LRCH1: variants seen among roughly 807,000 people sequenced by gnomAD.
The protein encoded by LRCH1 is leucine rich repeats and calponin homology domain containing 1, also known as leucine-rich repeat and calponin homology domain-containing protein 1.
LRCH1 carries 23 observed loss-of-function variants against 94.9 expected under a neutral mutation model. That is an observed-to-expected ratio of 0.24 (90% CI 0.17 to 0.34). LRCH1 has a LOEUF of 0.34. Among genes scored for constraint, LRCH1 ranks in the 10% least tolerant of loss-of-function variants. LRCH1 has a pLI of 1.00. For synonymous variants in LRCH1, 364 were observed against 354.9 expected (o/e 1.03, Z -0.29); for missense variants, 790 against 945.9 (o/e 0.84, Z 2.16).
chr13:46,663,755 C>T (rs9534457), intron 2 of LRCH1, among the ~76,000 whole-genome samples: 14,950 of 152,236 alleles, frequency 0.098, 832 homozygotes, highest in East Asian at 0.23. Context: ...TGACTGGATC[C>T]TTGCTAGCTC....
At chr13:46,651,848 C>T (rs1173406231) in intron 2 of LRCH1, among the ~76,000 whole-genome samples, 1 of 148,792 alleles carries the variant, frequency 6.7e-6, no homozygotes, top group African/African-American at 2.5e-5. Flanking sequence ...CTACAGGCGC[C>T]GGCCACCAGG....
At chr13:46,675,273 G>T (rs1466009024) in intron 3 of LRCH1, among the ~76,000 whole-genome samples, 1 of 152,176 alleles carries the variant, frequency 6.6e-6, no homozygotes, top group Non-Finnish European at 1.5e-5. Flanking sequence ...AAAATTGAGA[G>T]CCTTTTATGG....
intron 16 of LRCH1, among the ~76,000 whole-genome samples, chr13:46,720,916 C>G (rs992273185): frequency 2.6e-5 from 4 of 152,072 alleles, no homozygotes; most frequent in Admixed American, 2.6e-4. Context: ...GTGATATAGT[C>G]ATTATTTCTG....
chr13:46,746,757 G>A (rs908702583), downstream of LRCH1, among the ~76,000 whole-genome samples: 1 of 152,150 alleles, frequency 6.6e-6, no homozygotes, highest in Non-Finnish European at 1.5e-5. Flanking sequence ...TCATCCAGCT[G>A]TAAACCTACC....
At chr13:46,618,981 A>C (rs2138019026) in intron 1 of LRCH1, among the ~76,000 whole-genome samples, 1 of 152,324 alleles carries the variant, frequency 6.6e-6, no homozygotes, top group Non-Finnish European at 1.5e-5. Context: ...CAGTTTACAA[A>C]TATTTTTAGA....
intron 1 of LRCH1, among the ~76,000 whole-genome samples, chr13:46,603,064 T>G (rs769871492): frequency 3.3e-5 from 5 of 152,198 alleles, no homozygotes; most frequent in Non-Finnish European, 5.9e-5. Flanking sequence ...TATAATAAGA[T>G]ATCTGTATCC....
intron 11 of LRCH1, among the ~76,000 whole-genome samples, chr13:46,703,744 T>C (rs1871607787): frequency 2.0e-5 from 3 of 152,158 alleles, no homozygotes; most frequent in African/African-American, 7.2e-5. Context: ...TTTATACTTT[T>C]AAAAAAGTAT....
intron 1 of LRCH1, among the ~76,000 whole-genome samples, chr13:46,618,254 A>G (rs1566179715): frequency 2.0e-5 from 3 of 152,130 alleles, no homozygotes; most frequent in Non-Finnish European, 4.4e-5. Flanking sequence ...AGCACCCATT[A>G]CCTGACAAAA....
intron 1 of LRCH1, among the ~76,000 whole-genome samples, chr13:46,641,014 G>A (rs530030713): frequency 1.3e-5 from 2 of 152,256 alleles, no homozygotes; most frequent in South Asian, 4.2e-4. Context: ...GGGTTGTTTG[G>A]TCTGCAGAGT....
chr13:46,589,737 A>T (rs756297022), intron 1 of LRCH1, among the ~76,000 whole-genome samples: 10 of 151,038 alleles, frequency 6.6e-5, no homozygotes, highest in Non-Finnish European at 1.3e-4. Flanking sequence ...AGTAGGTGGG[A>T]TTACTTGTGC....
chr13:46,700,711 A>G (rs752332985), intron 10 of LRCH1, among the ~76,000 whole-genome samples: 1 of 152,198 alleles, frequency 6.6e-6, no homozygotes, highest in African/African-American at 2.4e-5. Flanking sequence ...CCCTATATGC[A>G]TGAAAGTAAT....
intron 3 of LRCH1, among the ~76,000 whole-genome samples, chr13:46,679,200 G>A (rs1344528522): frequency 1.3e-5 from 2 of 152,284 alleles, no homozygotes; most frequent in East Asian, 1.9e-4. Flanking sequence ...CATCACCCAA[G>A]TGACTGTATC....
At chr13:46,606,146 T>TTG (rs1555272309) in intron 1 of LRCH1, among the ~76,000 whole-genome samples, 2 of 103,868 alleles carry the variant, frequency 1.9e-5, no homozygotes, top group African/African-American at 7.2e-5. Flanking sequence ...AATTTTAACC[T>TTG]TATGTGTGTG....
intron 1 of LRCH1, among the ~76,000 whole-genome samples, chr13:46,595,392 G>A (rs1202443068): frequency 2.0e-5 from 3 of 152,144 alleles, no homozygotes; most frequent in Admixed American, 2.0e-4. Context: ...AGGGTTTCTG[G>A]GTTCTTTTCC....
chr13:46,574,822 GTTT>G (rs754195815), intron 1 of LRCH1, among the ~76,000 whole-genome samples: 12 of 69,426 alleles, frequency 1.7e-4, no homozygotes, highest in African/African-American at 2.8e-4. Context: ...TGTGTGTGGG[GTTT>G]TTTTTTTTTT....
chr13:46,667,758 T>G (rs2051538846), intron 2 of LRCH1, among the ~76,000 whole-genome samples: 1 of 152,262 alleles, frequency 6.6e-6, no homozygotes, highest in Non-Finnish European at 1.5e-5. Flanking sequence ...TTTATCATTT[T>G]ATAATGATGT....
intron 17 of LRCH1, 31 bp from the exon 18 acceptor site, chr13:46,728,816 T>C: frequency 6.4e-7 from 1 of 1,572,416 alleles, no homozygotes; most frequent in Non-Finnish European, 8.7e-7. Context: ...AGTGTTCATA[T>C]TAACTGGCTT....
chr13:46,746,443 C>T (rs1268701159), downstream of LRCH1, among the ~76,000 whole-genome samples: 1 of 152,118 alleles, frequency 6.6e-6, no homozygotes, highest in Non-Finnish European at 1.5e-5. Context: ...GGAGAAGTAA[C>T]TTGAAGCATG....
At chr13:46,697,861 C>T (rs1234064235) in intron 9 of LRCH1, among the ~76,000 whole-genome samples, 2 of 111,328 alleles carry the variant, frequency 1.8e-5, no homozygotes, top group Admixed American at 2.0e-4. Context: ...ACCCAGTACG[C>T]CTGTTTTGCC....
Sources: gnomAD v4.1 joint callset for allele counts (sites outside exome capture counted in the v4.1 genomes callset) on GRCh38, gnomAD v4.1.1 for gene constraint, MANE v1.5 for transcripts, NCBI Gene and HGNC (gene_info 2026-07-23, HGNC 2026-07-21) for gene names.